RALGPS1: variants seen among roughly 807,000 people sequenced by gnomAD.
The protein encoded by RALGPS1 is Ral GEF with PH domain and SH3 binding motif 1.
In RALGPS1, 19 loss-of-function variants were observed where a neutral mutation model predicts 78.8. The ratio of observed to expected loss-of-function variants is 0.24; its 90% CI spans 0.17 to 0.35. RALGPS1 has a LOEUF of 0.35. Ranked by LOEUF, RALGPS1 falls within the 10% of genes least tolerant of loss-of-function variation. The probability of loss-of-function intolerance (pLI) is 1.00; values close to 1 mark genes in which losing one functional copy is unlikely to be tolerated. For missense variants in RALGPS1, 454 were observed against 688.3 expected, an observed-to-expected ratio of 0.66 and a Z score of 3.81; for synonymous variants, 228 against 256.3, an observed-to-expected ratio of 0.89 and a Z score of 1.06.
At position 126,937,400 on chromosome 9, in the gene RALGPS1, G is replaced by A. The variant is rs964568015; in HGVS notation, c.-66+22425G>A. Among the ~76,000 whole-genome samples the A allele has an allele frequency of 2.0e-5, 3 of 152,230 alleles. No homozygotes were observed. The South Asian group carries it at 6.2e-4, about 32-fold the overall frequency. ...GAACATGGCCACATAGCTATTCATTGTGTTACAGAAGGAGAGATAAGGGTT... is the reference window on the plus strand; with the variant it reads ...GAACATGGCCACATAGCTATTCATTATGTTACAGAAGGAGAGATAAGGGTT... On this transcript the variant is annotated intron_variant, in intron 1 of 18. Coordinates refer to ENST00000259351, the MANE Select transcript of RALGPS1 (RefSeq NM_014636.3).
rs2060464635 is a variant in RALGPS1 at position 127,183,992 on chromosome 9, T to A, written c.910+9210T>A. 6.5e-7 allele frequency: 1 copy of A among 1,550,074 alleles called. No individual in the cohort carries two copies. The highest frequency in any genetic ancestry group is 1.4e-5 in the African/African-American group (1 of 72,972). Reference sequence around the variant, plus strand: ...ACGAGTACCAGCGGCTCCCCCAGCATCTGCTGCTCCGCGCTCCCCGTGGCC... The same window carrying A: ...ACGAGTACCAGCGGCTCCCCCAGCAACTGCTGCTCCGCGCTCCCCGTGGCC... On this transcript the variant is annotated intron_variant, in intron 11 of 18. Coordinates refer to ENST00000259351, the MANE Select transcript of RALGPS1 (RefSeq NM_014636.3). The surrounding 1 kb of genome is among the most constrained non-coding windows in gnomAD (Gnocchi z 4.0).
At position 127,212,184 on chromosome 9, in the gene RALGPS1, T is replaced by C. The variant is rs1564805619; in HGVS notation, c.1301T>C (p.Met434Thr). ...SLGNSAAVPTMEGPLRRKTLL... is the reference protein window; with the variant it reads ...SLGNSAAVPTTEGPLRRKTLL... The stretch of plus-strand genomic sequence containing the variant: ...GGGAACTCCGCAGCTGTGCCCACCA[T>C]GGAGGGGCCTCTGAGAAGAAAAACC... The change falls in exon 15 of 19, where the codon ATG becomes ACG. Residue 434 changes from methionine to threonine, a missense_variant. Coordinates refer to ENST00000259351, the MANE Select transcript of RALGPS1 (RefSeq NM_014636.3). The surrounding 1 kb of genome is among the most constrained non-coding windows in gnomAD (Gnocchi z 6.0). 6.2e-7 allele frequency: 1 copy of C among 1,613,866 alleles called. No homozygotes were observed. Among genetic ancestry groups the C allele is most frequent in the Non-Finnish European group, 8.5e-7 (1 of 1,179,920 alleles).
At chr9:126,962,133 G>T in intron 1 of RALGPS1, 92 bp from the exon 2 acceptor site, 1 of 674,342 alleles carries the variant, frequency 1.5e-6, no homozygotes. Context: ...TCTCCTCTGA[G>T]ATGATCTGCT....
intron 4 of RALGPS1, among the ~76,000 whole-genome samples, chr9:127,006,459 A>C (rs1204550093): frequency 6.6e-6 from 1 of 152,202 alleles, no homozygotes; most frequent in Non-Finnish European, 1.5e-5. Context: ...CTGGGTTTTC[A>C]AGCATTTGTT....
chr9:127,071,279 C>T (rs932360547), intron 8 of RALGPS1, among the ~76,000 whole-genome samples: 1 of 152,052 alleles, frequency 6.6e-6, no homozygotes, highest in African/African-American at 2.4e-5. Flanking sequence ...TTTTCAGTCA[C>T]ACTGTCTTTC....
intron 1 of RALGPS1, among the ~76,000 whole-genome samples, chr9:126,919,498 T>G (rs1338011889): frequency 1.3e-5 from 2 of 152,250 alleles, no homozygotes; most frequent in East Asian, 3.8e-4. Context: ...TGATTCAAAG[T>G]CCAGCTCTGT....
intron 1 of RALGPS1, among the ~76,000 whole-genome samples, chr9:126,928,290 G>A (rs1469495173): frequency 6.6e-6 from 1 of 152,316 alleles, no homozygotes; most frequent in Non-Finnish European, 1.5e-5. Context: ...GTAGTGAGAA[G>A]GATCAGGGTT....
At chr9:127,168,291 A>G (rs921265670) in intron 9 of RALGPS1, among the ~76,000 whole-genome samples, 1 of 152,186 alleles carries the variant, frequency 6.6e-6, no homozygotes, top group East Asian at 1.9e-4. Flanking sequence ...AGGCTTGCCC[A>G]GTTACCCCAA....
At chr9:126,975,400 G>A (rs1368474308) in intron 3 of RALGPS1, among the ~76,000 whole-genome samples, 1 of 152,146 alleles carries the variant, frequency 6.6e-6, no homozygotes, top group Admixed American at 6.5e-5. Context: ...CTGGTGGCAG[G>A]ATGGAAAGGA....
chr9:127,129,975 A>G (rs993367384), intron 8 of RALGPS1, among the ~76,000 whole-genome samples: 1 of 152,128 alleles, frequency 6.6e-6, no homozygotes, highest in Non-Finnish European at 1.5e-5. Flanking sequence ...GATTGCCTCT[A>G]TGGGCTCTCT....
chr9:127,110,197 G>A lies in RALGPS1; in HGVS notation c.610+40841G>A, dbSNP rs147143922. 4.2e-3 allele frequency among the ~76,000 whole-genome samples: 638 copies of A among 152,168 alleles called. 5 individuals carry two copies. Among genetic ancestry groups the A allele is most frequent in the African/African-American group, 0.014 (566 of 41,494 alleles). On this transcript the variant is annotated intron_variant, in intron 8 of 18. Coordinates refer to ENST00000259351, the MANE Select transcript of RALGPS1 (RefSeq NM_014636.3). ...AGCCCACCCTCATCAGGCTTTGCCC[G>A]CTCCCCTTCATTCTAGGTTGCCCTA...
intron 8 of RALGPS1, among the ~76,000 whole-genome samples, chr9:127,158,451 A>G (rs1564686868): frequency 6.6e-6 from 1 of 152,260 alleles, no homozygotes; most frequent in South Asian, 2.1e-4. Context: ...AAATTTACAC[A>G]TACCACTATT....
At chr9:127,008,896 G>A (rs1482803197) in intron 4 of RALGPS1, among the ~76,000 whole-genome samples, 1 of 152,058 alleles carries the variant, frequency 6.6e-6, no homozygotes, top group Non-Finnish European at 1.5e-5. Flanking sequence ...TTTTCCTTCG[G>A]CCTTCATTTG....
chr9:127,218,742 A>G lies in RALGPS1; in HGVS notation c.1647A>G (p.Val549=). ...AGAGGCTGAGCTTTCTCTTCTAGGT[A>G]CCTGCAAACCTTATGTCATTTGAGT... The part of the protein sequence containing the change: ...DDACKSNRPQ[V]PANLMSFE Residue 549 remains valine (V), a splice_region_variant and synonymous_variant, in exon 19 of 19, where the codon GTA becomes GTG. Coordinates refer to ENST00000259351, the MANE Select transcript of RALGPS1 (RefSeq NM_014636.3). This position sits in a 1 kb window ranked among gnomAD's most constrained non-coding sequence, Gnocchi z 4.4. The G allele has an allele frequency of 1.9e-6, 3 of 1,613,994 alleles. No homozygotes were observed. In the African/African-American group the frequency reaches 4.0e-5, roughly 22 times the overall value.
At chr9:127,089,983 G>A (rs531908625) in intron 8 of RALGPS1, among the ~76,000 whole-genome samples, 1 of 152,334 alleles carries the variant, frequency 6.6e-6, no homozygotes, top group East Asian at 1.9e-4. Context: ...GCCCAACAGA[G>A]CAGGTGGCCG....
intron 4 of RALGPS1, among the ~76,000 whole-genome samples, chr9:127,031,896 A>C (rs1025922687): frequency 7.2e-5 from 11 of 152,368 alleles, no homozygotes; most frequent in African/African-American, 1.9e-4. Context: ...AATGTAGGGA[A>C]GATGTATTAA....
chr9:127,022,445 A>G (rs1275349869), intron 4 of RALGPS1, among the ~76,000 whole-genome samples: 1 of 151,330 alleles, frequency 6.6e-6, no homozygotes, highest in East Asian at 1.9e-4. Flanking sequence ...AATACAGCCT[A>G]CCAAACACTC....
intron 11 of RALGPS1, chr9:127,178,090 G>A (rs1384816980): frequency 1.6e-6 from 2 of 1,266,532 alleles, no homozygotes; most frequent in Non-Finnish European, 2.1e-6. Flanking sequence ...TGGGGAAGAA[G>A]TGTTACCAAT....
intron 3 of RALGPS1, among the ~76,000 whole-genome samples, chr9:126,973,406 C>T (rs2132513690): frequency 6.6e-6 from 1 of 152,124 alleles, no homozygotes; most frequent in East Asian, 1.9e-4. Context: ...AGGTAGATAG[C>T]ACTTATCAAA....
Sources: gnomAD v4.1 joint callset for allele counts (sites outside exome capture counted in the v4.1 genomes callset) on GRCh38, gnomAD v4.1.1 for gene constraint, Gnocchi (gnomAD v3.1) non-coding constraint, MANE v1.5 for transcripts, NCBI Gene and HGNC (gene_info 2026-07-23, HGNC 2026-07-21) for gene names.